The following MPP2 variants were observed in gnomAD, a reference collection of about 807,000 sequenced individuals.
MPP2 encodes MAGUK p55 scaffold protein 2.
In MPP2, 42 loss-of-function variants were observed where a neutral mutation model predicts 58.5. The observed-to-expected ratio is 0.72, with a 90% CI of 0.56 to 0.93. The LOEUF (loss-of-function observed/expected upper bound fraction) is 0.93. Ranked by LOEUF, MPP2 falls within the 40% of genes least tolerant of loss-of-function variation. MPP2 has a pLI of 0.00. For synonymous variants in MPP2, 300 were observed against 307.8 expected (o/e 0.97, Z 0.26); for missense variants, 632 against 760.4 (o/e 0.83, Z 1.99).
chr17:43,906,075 A>C, intron 1 of MPP2: 1 of 984,752 alleles, frequency 1.0e-6, no homozygotes. Flanking sequence ...CCAGGCCTTG[A>C]TGACCTGGAG....
chr17:43,882,327 A>T lies in MPP2; in HGVS notation c.638T>A (p.Leu213His), dbSNP rs1456384384. ...LLRNASGSVI[L>H]KILPSYQEPH... ...CTCCTGGTAGCTGGGCAGGATCTTG[A>T]GGATGACACTGCCACTGGCATTGCG... Residue 213 changes from leucine (L) to histidine (H), a missense_variant, in exon 6 of 13, where the codon CTC becomes CAC. Leu to His is a moderately conservative substitution (Grantham distance 99). Transcript: ENST00000269095. 6.2e-7 allele frequency: 1 copy of T among 1,612,438 alleles called. No homozygotes were observed. Among genetic ancestry groups the T allele is most frequent in the Non-Finnish European group, 8.5e-7 (1 of 1,179,924 alleles).
chr17:43,908,138 C>A (rs1316487386), upstream of MPP2, among the ~76,000 whole-genome samples: 1 of 152,220 alleles, frequency 6.6e-6, no homozygotes, highest in Non-Finnish European at 1.5e-5. Flanking sequence ...AGGCCTGGTC[C>A]ATTTTCCTGC....
At chr17:43,894,418 A>AATATATATAT (rs1382579250) in intron 3 of MPP2, among the ~76,000 whole-genome samples, 147 of 77,322 alleles carry the variant, frequency 1.9e-3, no homozygotes, top group South Asian at 9.1e-3. Flanking sequence ...TCCATCTCAA[A>AATATATATAT]ATATATATAT....
chr17:43,900,369 T>G (rs898846109), intron 2 of MPP2: 1 of 1,377,902 alleles, frequency 7.3e-7, no homozygotes, highest in African/African-American at 1.4e-5. Context: ...TGCCCTCAGA[T>G]GACCTCTCCC....
intron 12 of MPP2, 80 bp from the exon 13 acceptor site, chr17:43,878,063 C>G: frequency 6.9e-7 from 1 of 1,451,780 alleles, no homozygotes; most frequent in Non-Finnish European, 9.3e-7. Context: ...CAGCTGCCCC[C>G]ACTCCCCCTC....
At chr17:43,904,354 A>T in intron 2 of MPP2, 76 bp downstream of exon 2, 1 of 1,421,358 alleles carries the variant, frequency 7.0e-7, no homozygotes, top group Non-Finnish European at 9.9e-7. Flanking sequence ...GGAGCTGTGC[A>T]AGTGCCCACC....
intron 3 of MPP2, chr17:43,884,222 CTT>C (rs1457133421): frequency 1.4e-5 from 9 of 664,910 alleles, no homozygotes; most frequent in African/African-American, 8.9e-5. Context: ...AATGTTCACT[CTT>C]GTCCCAAAAG....
At chr17:43,895,103 T>A (rs563329343) in intron 3 of MPP2, among the ~76,000 whole-genome samples, 6 of 151,548 alleles carry the variant, frequency 4.0e-5, no homozygotes, top group Admixed American at 1.3e-4. Context: ...TGTGCCAAAC[T>A]TTTTATTTAT....
At chr17:43,892,074 G>A (rs1175547448) in intron 3 of MPP2, among the ~76,000 whole-genome samples, 4 of 152,236 alleles carry the variant, frequency 2.6e-5, no homozygotes, top group African/African-American at 9.6e-5. Context: ...GCCACTTGCT[G>A]TGTGCAGCCA....
At chr17:43,897,189 A>C (rs2047881115) in intron 3 of MPP2, among the ~76,000 whole-genome samples, 1 of 152,190 alleles carries the variant, frequency 6.6e-6, no homozygotes, top group African/African-American at 2.4e-5. Flanking sequence ...CTGCTTAAAT[A>C]ATGTAAAGCC....
chr17:43,885,893 T>C (rs1223129843), intron 3 of MPP2, among the ~76,000 whole-genome samples: 1 of 152,114 alleles, frequency 6.6e-6, no homozygotes, highest in Non-Finnish European at 1.5e-5. Context: ...GAGGATCACC[T>C]GAGGTCAGGA....
At chr17:43,890,222 TACTC>T (rs2047549903) in intron 3 of MPP2, among the ~76,000 whole-genome samples, 1 of 152,216 alleles carries the variant, frequency 6.6e-6, no homozygotes, top group African/African-American at 2.4e-5. Flanking sequence ...ACTGCTTTTT[TACTC>T]ACTATTATTT....
At chr17:43,898,024 C>CA (rs2047921129) in intron 3 of MPP2, among the ~76,000 whole-genome samples, 1 of 152,256 alleles carries the variant, frequency 6.6e-6, no homozygotes, top group Non-Finnish European at 1.5e-5. Context: ...ACACACTCCA[C>CA]AAGCTGGCAG....
rs192640487 is a variant in MPP2, at chr17:43,877,353, T to C, written c.*454A>G. 2 of 156,038 alleles carry C rather than the reference T, an allele frequency of 1.3e-5. No individual in the cohort carries two copies. Among genetic ancestry groups the C allele is most frequent in the African/African-American group, 2.4e-5 (1 of 41,712 alleles). 9.7% of individuals were successfully genotyped at this position (156,038 alleles called of 1,614,324 possible). ...GGTCACACGGAAACAGCCCAAGGCC[T>C]GTTCCTCCGACACAGGGGTGAGAGG... On this transcript the variant is annotated 3_prime_UTR_variant, in exon 13 of 13. Transcript: ENST00000269095.
At chr17:43,878,687 G>T (rs1473862854) in intron 12 of MPP2, among the ~76,000 whole-genome samples, 1 of 152,170 alleles carries the variant, frequency 6.6e-6, no homozygotes, top group Non-Finnish European at 1.5e-5. Context: ...CCTGGGGCCG[G>T]AATGCTGCAG....
chr17:43,878,824 T>C (rs1280135110), intron 12 of MPP2, among the ~76,000 whole-genome samples: 3 of 152,172 alleles, frequency 2.0e-5, no homozygotes, highest in Admixed American at 2.0e-4. Context: ...CCTTGAAGCC[T>C]CTCCTCCAGG....
intron 1 of MPP2, 143 bp from the exon 2 acceptor site, chr17:43,904,636 A>T (rs1288410757): frequency 1.6e-5 from 10 of 631,644 alleles, no homozygotes; most frequent in Non-Finnish European, 2.5e-5. Flanking sequence ...AACAACAATG[A>T]TTCCAACGGT....
chr17:43,878,709 GC>G (rs1206584230), intron 12 of MPP2, among the ~76,000 whole-genome samples: 1 of 152,192 alleles, frequency 6.6e-6, no homozygotes, highest in Non-Finnish European at 1.5e-5. Flanking sequence ...ACCAGGCATG[GC>G]CAGCAGAGGG....
intron 1 of MPP2, among the ~76,000 whole-genome samples, chr17:43,906,430 G>A (rs1381448125): frequency 2.6e-5 from 4 of 152,136 alleles, no homozygotes; most frequent in Non-Finnish European, 5.9e-5. Context: ...CCTGGGCCCA[G>A]ATGCCCTCTC....
Sources: allele counts gnomAD v4.1 joint callset (sites outside exome capture counted in the v4.1 genomes callset), GRCh38; gene constraint gnomAD v4.1.1; transcripts MANE v1.5; gene names NCBI Gene and HGNC (gene_info 2026-07-23, HGNC 2026-07-21).